Variants in CCR3 observed in about 807,000 individuals in gnomAD.
CCR3 encodes C-C chemokine receptor type 3.
For synonymous variants in CCR3, 203 were observed against 179.2 expected, an observed-to-expected ratio of 1.13 and a Z score of -1.06; for missense variants, 419 against 437.5, an observed-to-expected ratio of 0.96 and a Z score of 0.38.
intron 2 of CCR3, among the ~76,000 whole-genome samples, chr3:46,219,761 T>C (rs528434473): frequency 9.9e-5 from 15 of 152,160 alleles, no homozygotes; most frequent in Non-Finnish European, 2.1e-4. Flanking sequence ...TTCCAACGAA[T>C]GGTACTGGGA....
Position 46,265,892 on chromosome 3 carries a change from T to G in CCR3, c.734T>G (p.Met245Arg). Reference protein sequence around the residue: ...YKAIRLIFVIMAVFFIFWTPY... With the variant: ...YKAIRLIFVIRAVFFIFWTPY... ...GCCATCCGGCTCATTTTTGTCATCA[T>G]GGCGGTGTTTTTCATTTTCTGGACA... Residue 245 changes from methionine to arginine, a missense_variant, in exon 2 of 2, where the codon ATG becomes AGG. Coordinates refer to ENST00000395940, the MANE Select transcript of CCR3 (RefSeq NM_178329.3). 6.2e-7 allele frequency: 1 copy of G among 1,614,170 alleles called. No homozygotes were observed. Among genetic ancestry groups the G allele is most frequent in the Non-Finnish European group, 8.5e-7 (1 of 1,180,004 alleles).
At chr3:46,238,832 T>C (rs1331179036), upstream of CCR3, among the ~76,000 whole-genome samples, 1 of 152,190 alleles carries the variant, frequency 6.6e-6, no homozygotes, top group Non-Finnish European at 1.5e-5. Context: ...AGAAAAAAGC[T>C]AGACACAGGA....
chr3:46,234,920 C>G (rs1021491271), intron 2 of CCR3, among the ~76,000 whole-genome samples: 14 of 152,220 alleles, frequency 9.2e-5, no homozygotes, highest in Non-Finnish European at 1.5e-5. Flanking sequence ...GTCCACTCAC[C>G]AGGTGGAGGG....
chr3:46,246,888 T>G (rs1168926211), intron 1 of CCR3, among the ~76,000 whole-genome samples: 1 of 152,016 alleles, frequency 6.6e-6, no homozygotes, highest in Middle Eastern at 3.4e-3. Context: ...GTGGGAGAGA[T>G]TAAGCTGAAG....
At chr3:46,232,761 C>G (rs1699980247) in intron 2 of CCR3, among the ~76,000 whole-genome samples, 1 of 152,220 alleles carries the variant, frequency 6.6e-6, no homozygotes, top group African/African-American at 2.4e-5. Context: ...CCCACCACCT[C>G]CCCCAATAGC....
intron 1 of CCR3, among the ~76,000 whole-genome samples, chr3:46,259,301 C>G (rs1411674953): frequency 6.6e-6 from 1 of 152,090 alleles, no homozygotes; most frequent in Non-Finnish European, 1.5e-5. Flanking sequence ...AGGAAAGCAC[C>G]AGAGTAAAAC....
At chr3:46,240,898 G>C (rs1443215743), upstream of CCR3, among the ~76,000 whole-genome samples, 1 of 152,182 alleles carries the variant, frequency 6.6e-6, no homozygotes, top group Non-Finnish European at 1.5e-5. Flanking sequence ...CAAAGTCTGA[G>C]ATCTTACTAT....
At chr3:46,217,115 G>A (rs1244617033) in intron 2 of CCR3, among the ~76,000 whole-genome samples, 1 of 152,020 alleles carries the variant, frequency 6.6e-6, no homozygotes, top group Non-Finnish European at 1.5e-5. Flanking sequence ...TGAGGGGGAG[G>A]GAAGACATTC....
chr3:46,235,265 T>G (rs1700011472), intron 2 of CCR3, among the ~76,000 whole-genome samples: 1 of 152,182 alleles, frequency 6.6e-6, no homozygotes. Context: ...AAGGGCTTCT[T>G]TCTCTCCAGA....
intron 2 of CCR3, among the ~76,000 whole-genome samples, chr3:46,227,025 C>T (rs1396744080): frequency 6.6e-6 from 1 of 151,590 alleles, no homozygotes; most frequent in Non-Finnish European, 1.5e-5. Flanking sequence ...GTGCATGCCA[C>T]CATGCCTGGC....
intron 1 of CCR3, among the ~76,000 whole-genome samples, chr3:46,256,962 C>CAA (rs1428979921): frequency 6.6e-6 from 1 of 151,924 alleles, no homozygotes; most frequent in African/African-American, 2.4e-5. Flanking sequence ...CACACACACA[C>CAA]ACACACAATG....
chr3:46,255,997 CA>C (rs1225320869), intron 1 of CCR3, among the ~76,000 whole-genome samples: 2 of 151,916 alleles, frequency 1.3e-5, no homozygotes, highest in Non-Finnish European at 2.9e-5. Context: ...GCAGTATGGT[CA>C]TTTTCACAAT....
At chr3:46,231,443 T>C (rs901057997) in intron 2 of CCR3, among the ~76,000 whole-genome samples, 38 of 152,246 alleles carry the variant, frequency 2.5e-4, no homozygotes, top group African/African-American at 8.9e-4. Context: ...TGGTTGTTAC[T>C]TGTAGGAAAA....
chr3:46,254,281 G>C (rs1458578430), intron 1 of CCR3, among the ~76,000 whole-genome samples: 3 of 152,060 alleles, frequency 2.0e-5, no homozygotes, highest in African/African-American at 7.2e-5. Context: ...TTGAGAAAGG[G>C]GAGAATAAAA....
Position 46,220,223 on chromosome 3 carries a change from A to T in CCR3, c.-68+9316A>T, listed in dbSNP as rs578208981. On this transcript the variant is annotated intron_variant, in intron 2 of 3. Transcript: ENST00000357422. Reference sequence around the variant, plus strand: ...AAAAGAAGATACACAAGTGGACAACAAACATATGAAAAAATGCCCAACATC... The same window carrying T: ...AAAAGAAGATACACAAGTGGACAACTAACATATGAAAAAATGCCCAACATC... Among the ~76,000 whole-genome samples, 10 of 152,352 alleles carry T rather than the reference A, an allele frequency of 6.6e-5. No homozygotes were observed. The East Asian group carries it at 1.5e-3, about 23-fold the overall frequency.
At chr3:46,241,183 G>C (rs73833036), upstream of CCR3, among the ~76,000 whole-genome samples, 3 of 64,512 alleles carry the variant, frequency 4.7e-5, no homozygotes, top group South Asian at 4.5e-4. Flanking sequence ...CTCTCTCTCT[G>C]TCTCTCTTAT....
intron 1 of CCR3, among the ~76,000 whole-genome samples, chr3:46,243,281 C>G (rs1267266335): frequency 1.3e-5 from 2 of 151,976 alleles, no homozygotes; most frequent in African/African-American, 4.8e-5. Flanking sequence ...TTGGTTTTTG[C>G]AACTTTGTGG....
intron 1 of CCR3, among the ~76,000 whole-genome samples, chr3:46,257,347 T>C (rs558574191): frequency 1.3e-3 from 194 of 152,232 alleles, no homozygotes; most frequent in African/African-American, 4.4e-3. Context: ...ATTGGTGCTT[T>C]TGTAGCACCA....
intron 1 of CCR3, among the ~76,000 whole-genome samples, chr3:46,249,782 C>T (rs970654026): frequency 1.4e-4 from 21 of 152,086 alleles, no homozygotes; most frequent in South Asian, 2.1e-4. Flanking sequence ...TCTGGAGGAA[C>T]GCCTGGCCAC....
Sources: gnomAD v4.1 joint callset for allele counts (sites outside exome capture counted in the v4.1 genomes callset) on GRCh38, gnomAD v4.1.1 for gene constraint, MANE v1.5 for transcripts, NCBI Gene and HGNC (gene_info 2026-07-23, HGNC 2026-07-21) for gene names.